Variants in PRKAG2 observed in about 807,000 individuals in gnomAD.
PRKAG2 encodes the protein 5'-AMP-activated protein kinase subunit gamma-2.
Under a neutral mutation model 69.6 loss-of-function variants are expected in PRKAG2, and 26 were observed. That is an observed-to-expected ratio of 0.37 (90% CI 0.27 to 0.52). PRKAG2 has a LOEUF of 0.52. Among genes scored for constraint, PRKAG2 ranks in the 20% least tolerant of loss-of-function variants. The pLI, the probability that PRKAG2 is intolerant of heterozygous loss-of-function variation, is 0.90. For synonymous variants in PRKAG2, 293 were observed against 285.0 expected (o/e 1.03, Z -0.28); for missense variants, 557 against 740.0 (o/e 0.75, Z 2.87).
chr7:151,709,713 G>A (rs1190035170), intron 3 of PRKAG2, among the ~76,000 whole-genome samples: 1 of 152,192 alleles, frequency 6.6e-6, no homozygotes, highest in Admixed American at 6.5e-5. Flanking sequence ...ACACTGACAA[G>A]TGACATTGCG....
At chr7:151,773,525 C>T (rs962139109) in intron 3 of PRKAG2, among the ~76,000 whole-genome samples, 3 of 152,134 alleles carry the variant, frequency 2.0e-5, no homozygotes, top group African/African-American at 2.4e-5. Flanking sequence ...AAACATTGTA[C>T]AAATAGAAGA....
chr7:151,701,025 G>A (rs745997836), intron 3 of PRKAG2, among the ~76,000 whole-genome samples: 3 of 152,162 alleles, frequency 2.0e-5, no homozygotes, highest in East Asian at 1.9e-4. Context: ...CTGCACACAC[G>A]AGCACCCAGC....
At chr7:151,728,307 C>T (rs539226193) in intron 3 of PRKAG2, among the ~76,000 whole-genome samples, 4 of 152,174 alleles carry the variant, frequency 2.6e-5, no homozygotes, top group Non-Finnish European at 4.4e-5. Context: ...ATTATTACCG[C>T]AGGGCAGAAT....
chr7:151,580,114 T>C (rs575532761), intron 6 of PRKAG2, among the ~76,000 whole-genome samples: 29 of 152,114 alleles, frequency 1.9e-4, no homozygotes, highest in African/African-American at 6.7e-4. Context: ...GAGGCCAAGG[T>C]GGGGGGATCA....
chr7:151,577,257 G>C (rs555650383), intron 6 of PRKAG2, among the ~76,000 whole-genome samples: 2 of 152,218 alleles, frequency 1.3e-5, no homozygotes, highest in South Asian at 2.1e-4. Context: ...ATACCTTCCA[G>C]ACACAAATGG....
At chr7:151,569,603 G>A (rs554326224) in intron 10 of PRKAG2, among the ~76,000 whole-genome samples, 1 of 152,232 alleles carries the variant, frequency 6.6e-6, no homozygotes, top group East Asian at 1.9e-4. Context: ...GTTAGGACTT[G>A]GAAATAAAAT....
intron 5 of PRKAG2, among the ~76,000 whole-genome samples, chr7:151,610,904 C>G (rs905275285): frequency 6.6e-6 from 1 of 151,478 alleles, no homozygotes; most frequent in Non-Finnish European, 1.5e-5. Context: ...GGCGCCCACC[C>G]CCATGCCTAA....
intron 8 of PRKAG2, among the ~76,000 whole-genome samples, chr7:151,574,183 T>C (rs1013273770): frequency 6.6e-6 from 1 of 152,210 alleles, no homozygotes; most frequent in Non-Finnish European, 1.5e-5. Context: ...AACCTACACC[T>C]TTTAAGTACC....
Position 151,807,630 on chromosome 7 carries a change from C to T in PRKAG2, c.115-21089G>A. On this transcript the variant is annotated intron_variant, in intron 1 of 15. Coordinates refer to ENST00000287878, the MANE Select transcript of PRKAG2 (RefSeq NM_016203.4). This position sits in a 1 kb window ranked among gnomAD's most constrained non-coding sequence, Gnocchi z 4.4. The stretch of plus-strand genomic sequence containing the variant: ...TTTGCCACCAAAAGCCCAGTTTCTC[C>T]AACAGGTAAGTCCCAGCAGGGTGCG... The T allele has an allele frequency of 2.2e-6, 1 of 457,798 alleles. No individual in the cohort carries two copies. The highest frequency in any genetic ancestry group is 1.5e-5 in the South Asian group (1 of 64,570). 28.4% of individuals were successfully genotyped at this position (457,798 alleles called of 1,614,324 possible).
chr7:151,855,066 C>A lies in PRKAG2; in HGVS notation c.114+21441G>T, dbSNP rs1291855142. 1.2e-3 allele frequency among the ~76,000 whole-genome samples: 46 copies of A among 39,822 alleles called. 3 individuals carry two copies. The highest frequency in any genetic ancestry group is 4.6e-3 in the African/African-American group (41 of 8,968). 26.1% of individuals were successfully genotyped at this position (39,822 alleles called of 152,430 possible). A position where few individuals can be genotyped will look rare whatever the true frequency, so the allele number is the denominator to read the frequency against. On this transcript the variant is annotated intron_variant, in intron 1 of 15. Transcript: ENST00000287878. ...CACCGCCCTCCACACACACCATCCT[C>A]CACACACACCATCCTCCACACACAC...
intron 3 of PRKAG2, among the ~76,000 whole-genome samples, chr7:151,778,487 A>G (rs1250417066): frequency 6.6e-6 from 1 of 152,200 alleles, no homozygotes; most frequent in Non-Finnish European, 1.5e-5. Flanking sequence ...ATAGCAATGC[A>G]AAATGGAGCA....
intron 1 of PRKAG2, among the ~76,000 whole-genome samples, chr7:151,866,841 G>A (rs993687972): frequency 6.6e-6 from 1 of 152,028 alleles, no homozygotes; most frequent in Admixed American, 6.5e-5. Context: ...TGACAGAGCT[G>A]TCCTCCCACC....
chr7:151,557,165 C>T lies in PRKAG2; in HGVS notation c.*36G>A. 6.2e-7 allele frequency: 1 copy of T among 1,614,098 alleles called. No homozygotes were observed. On this transcript the variant is annotated 3_prime_UTR_variant, in exon 16 of 16. Transcript: ENST00000287878. ...CAAAACGTGACCCAGAGACTTTGTT[C>T]AAGTTCTCCTCCTAGGGCGTCTACA...
At position 151,832,242 on chromosome 7, in the gene PRKAG2, G is replaced by A. The variant is rs1474633572; in HGVS notation, c.114+44265C>T. On this transcript the variant is annotated intron_variant, in intron 1 of 15. Coordinates refer to ENST00000287878, the MANE Select transcript of PRKAG2 (RefSeq NM_016203.4). ...AGGGGAGGAGGGAAGGAGAGGAGGAGGGAAGGAAGGGAGGAGGGAAGGAAG... is the reference window on the plus strand; with the variant it reads ...AGGGGAGGAGGGAAGGAGAGGAGGAAGGAAGGAAGGGAGGAGGGAAGGAAG... Among the ~76,000 whole-genome samples the A allele has an allele frequency of 2.1e-3, 49 of 23,408 alleles. 1 individual carries two copies. Among genetic ancestry groups the A allele is most frequent in the South Asian group, 8.3e-3 (3 of 360 alleles). The allele number at this position is 23,408 out of a possible 152,430, so 15.4% of individuals were successfully genotyped here. A position where few individuals can be genotyped will look rare whatever the true frequency, so the allele number is the denominator to read the frequency against.
intron 1 of PRKAG2, among the ~76,000 whole-genome samples, chr7:151,839,324 C>T (rs758329041): frequency 6.6e-6 from 1 of 152,168 alleles, no homozygotes; most frequent in Non-Finnish European, 1.5e-5. Flanking sequence ...GCAGCGTGGC[C>T]GGGCACCGCG....
intron 1 of PRKAG2, among the ~76,000 whole-genome samples, chr7:151,827,651 G>A (rs1586677339): frequency 7.4e-6 from 1 of 135,996 alleles, no homozygotes; most frequent in East Asian, 2.3e-4. Context: ...TTTACATAAA[G>A]AGAAATATGC....
At chr7:151,830,244 T>C (rs75080685) in intron 1 of PRKAG2, among the ~76,000 whole-genome samples, 38,574 of 150,930 alleles carry the variant, frequency 0.26, 5,466 homozygotes, top group Non-Finnish European at 0.29. Flanking sequence ...GAGAGGAACC[T>C]ATCTGTCCGC....
At chr7:151,581,726 G>A (rs1319101675) in intron 6 of PRKAG2, among the ~76,000 whole-genome samples, 1 of 152,110 alleles carries the variant, frequency 6.6e-6, no homozygotes, top group Non-Finnish European at 1.5e-5. Context: ...ACTACAGTGA[G>A]CCTCATCACA....
intron 3 of PRKAG2, among the ~76,000 whole-genome samples, chr7:151,686,047 C>T (rs2151510224): frequency 6.6e-6 from 1 of 152,308 alleles, no homozygotes; most frequent in African/African-American, 2.4e-5. Flanking sequence ...CCTGTCCCCA[C>T]TGAGTCTAAC....
Sources: gnomAD v4.1 joint callset for allele counts (sites outside exome capture counted in the v4.1 genomes callset) on GRCh38, gnomAD v4.1.1 for gene constraint, Gnocchi (gnomAD v3.1) non-coding constraint, MANE v1.5 for transcripts, NCBI Gene and HGNC (gene_info 2026-07-23, HGNC 2026-07-21) for gene names.